The following ABL2 variants were observed in gnomAD, a reference collection of about 807,000 sequenced individuals.
ABL2 encodes the protein tyrosine-protein kinase ABL2.
In ABL2, 49 loss-of-function variants were observed where a neutral mutation model predicts 107.7. That is an observed-to-expected ratio of 0.45 (90% confidence interval 0.36 to 0.58). ABL2 has a LOEUF of 0.58. Ranked by LOEUF, ABL2 falls within the 20% of genes least tolerant of loss-of-function variation. ABL2 has a pLI of 0.00. For synonymous variants in ABL2, 549 were observed against 548.6 expected (o/e 1.00, Z -0.01); for missense variants, 1,245 against 1,457.0 (o/e 0.85, Z 2.37).
chr1:179,187,071 G>C (rs1660718510), intron 1 of ABL2, among the ~76,000 whole-genome samples: 1 of 152,036 alleles, frequency 6.6e-6, no homozygotes, highest in Non-Finnish European at 1.5e-5. Context: ...GTCCACCTTG[G>C]TTTTCCATTT....
chr1:179,139,463 G>A (rs530124927), intron 1 of ABL2, among the ~76,000 whole-genome samples: 11 of 152,164 alleles, frequency 7.2e-5, no homozygotes, highest in African/African-American at 1.4e-4. Context: ...CACTCACCGC[G>A]AGGGTCTGCG....
At chr1:179,130,742 G>GTC (rs1656231350) in intron 3 of ABL2, among the ~76,000 whole-genome samples, 1 of 150,914 alleles carries the variant, frequency 6.6e-6, no homozygotes, top group Non-Finnish European at 1.5e-5. Flanking sequence ...GTGTGTGTGT[G>GTC]TGTGTGTGTG....
rs1349629649 is a variant in ABL2 at position 179,102,820 on chromosome 1, A to G, written c.*4898T>C. ...TTGAGTATTTTATAATAGGTGAATT[A>G]AATTCAGCTATTCTTTTTAGAAAAA... On this transcript the variant is annotated 3_prime_UTR_variant, in exon 12 of 12. Transcript: ENST00000502732. 1.3e-5 allele frequency: 3 copies of G among 225,660 alleles called. No homozygotes were observed. The Admixed American group carries it at 1.7e-4, about 13-fold the overall frequency. The allele number at this position is 225,660 out of a possible 1,614,324, so 14.0% of individuals were successfully genotyped here.
chr1:179,200,039 CTTT>C (rs55873652), intron 1 of ABL2, among the ~76,000 whole-genome samples: 4,302 of 83,876 alleles, frequency 0.051, 170 homozygotes, highest in African/African-American at 0.13. Flanking sequence ...CCCCCAATGC[CTTT>C]TTTTTTTTTT....
intron 1 of ABL2, among the ~76,000 whole-genome samples, chr1:179,209,150 T>C (rs952567397): frequency 6.6e-6 from 1 of 152,184 alleles, no homozygotes; most frequent in East Asian, 1.9e-4. Context: ...AAGCAGACCA[T>C]AGAAGAATTA....
At chr1:179,155,477 C>A (rs1658628033) in intron 1 of ABL2, among the ~76,000 whole-genome samples, 1 of 152,126 alleles carries the variant, frequency 6.6e-6, no homozygotes, top group African/African-American at 2.4e-5. Flanking sequence ...CACCTGTAAT[C>A]CCAGCACTTT....
chr1:179,120,724 A>T (rs546008395), intron 5 of ABL2, among the ~76,000 whole-genome samples: 12 of 152,312 alleles, frequency 7.9e-5, no homozygotes, highest in African/African-American at 1.9e-4. Flanking sequence ...CAGCTGAAAT[A>T]ATTATTATTT....
intron 3 of ABL2, chr1:179,131,075 G>C (rs1471340089): frequency 3.5e-6 from 1 of 284,648 alleles, no homozygotes; most frequent in East Asian, 6.6e-5. Context: ...TGAGTAGCTG[G>C]GACTACAGGC....
intron 1 of ABL2, among the ~76,000 whole-genome samples, chr1:179,145,746 T>C (rs1557953839): frequency 6.6e-6 from 1 of 152,166 alleles, no homozygotes. Flanking sequence ...GTGTGGCTAC[T>C]GTTACGGAAG....
intron 1 of ABL2, among the ~76,000 whole-genome samples, chr1:179,149,053 C>G (rs1263353297): frequency 6.6e-6 from 1 of 152,098 alleles, no homozygotes; most frequent in East Asian, 1.9e-4. Context: ...TTGAGATAGG[C>G]TAAAAAACTA....
chr1:179,103,267 A>G lies in ABL2; in HGVS notation c.*4451T>C, dbSNP rs1304582276. On this transcript the variant is annotated 3_prime_UTR_variant, in exon 12 of 12. Coordinates refer to ENST00000502732, the MANE Select transcript of ABL2 (RefSeq NM_007314.4). ...CTGCTCATACCTGTTAAGCAGTTTC[A>G]TATTTCTAAATGTGATAAATGACAG... 1 of 207,970 alleles carries G rather than the reference A, an allele frequency of 4.8e-6. No homozygotes were observed. Among genetic ancestry groups the G allele is most frequent in the African/African-American group, 2.3e-5 (1 of 44,004 alleles). 12.9% of individuals were successfully genotyped at this position (207,970 alleles called of 1,614,324 possible). A position where few individuals can be genotyped will look rare whatever the true frequency, so the allele number is the denominator to read the frequency against.
intron 5 of ABL2, 57 bp from the exon 6 acceptor site, chr1:179,120,331 A>G: frequency 9.0e-7 from 1 of 1,108,270 alleles, no homozygotes. Context: ...CCTCAACTTA[A>G]AATCATTTCA....
In ABL2 at chr1:179,102,571, G is replaced by A. The variant is rs1653184211; in HGVS notation, c.*5147C>T. ...GGATTGGTCATAGCAGATCCTTAGG[G>A]CACAGAGATGAACCCCAAATCCAGG... is the stretch of plus-strand genomic sequence containing the variant. On this transcript the variant is annotated 3_prime_UTR_variant, in exon 12 of 12. Transcript: ENST00000502732. 1.3e-5 allele frequency: 3 copies of A among 227,304 alleles called. No individual in the cohort carries two copies. The highest frequency in any genetic ancestry group is 5.7e-5 in the Admixed American group (1 of 17,554). The allele number at this position is 227,304 out of a possible 1,614,324, so 14.1% of individuals were successfully genotyped here. A position where few individuals can be genotyped will look rare whatever the true frequency, so the allele number is the denominator to read the frequency against.
chr1:179,131,518 G>A (rs1291126833), intron 2 of ABL2, 37 bp from the exon 3 acceptor site: 2 of 1,595,832 alleles, frequency 1.3e-6, no homozygotes, highest in African/African-American at 1.3e-5. Context: ...TTCACGGTGA[G>A]TTCAACAGCG....
intron 7 of ABL2, among the ~76,000 whole-genome samples, 172 bp from the exon 8 acceptor site, chr1:179,117,688 T>C (rs903438454): frequency 6.6e-6 from 1 of 152,226 alleles, no homozygotes; most frequent in Non-Finnish European, 1.5e-5. Flanking sequence ...TATGTCACTG[T>C]AGAGCACTCA....
chr1:179,190,354 T>C (rs777541307), intron 1 of ABL2, among the ~76,000 whole-genome samples: 12 of 152,040 alleles, frequency 7.9e-5, no homozygotes, highest in Non-Finnish European at 1.5e-4. Context: ...ATAAAGGATA[T>C]TACAAAAGAT....
At chr1:179,157,351 G>C (rs1407401909) in intron 1 of ABL2, among the ~76,000 whole-genome samples, 2 of 152,034 alleles carry the variant, frequency 1.3e-5, no homozygotes, top group Non-Finnish European at 2.9e-5. Flanking sequence ...CAAAAAATTA[G>C]CTGGGCCCGA....
chr1:179,152,061 T>C (rs1457023274), intron 1 of ABL2, among the ~76,000 whole-genome samples: 1 of 152,104 alleles, frequency 6.6e-6, no homozygotes, highest in Non-Finnish European at 1.5e-5. Flanking sequence ...AACAAAGACA[T>C]GGCGGGGAAA....
intron 1 of ABL2, chr1:179,221,890 G>A (rs1309722393): frequency 4.3e-6 from 1 of 233,402 alleles, no homozygotes; most frequent in African/African-American, 2.3e-5. Context: ...CAAAGATTTG[G>A]TGCCAAGGAT....
Sources: gnomAD v4.1 joint callset for allele counts (sites outside exome capture counted in the v4.1 genomes callset) on GRCh38, gnomAD v4.1.1 for gene constraint, MANE v1.5 for transcripts, NCBI Gene and HGNC (gene_info 2026-07-23, HGNC 2026-07-21) for gene names.